The following HDAC9 variants were observed in gnomAD, a reference collection of about 807,000 sequenced individuals.
The protein encoded by HDAC9 is MEF-2 interacting transcription repressor (MITR) protein.
In HDAC9, 41 loss-of-function variants were observed where a neutral mutation model predicts 139.4. The ratio of observed to expected loss-of-function variants is 0.29; its 90% CI spans 0.23 to 0.38. The LOEUF is 0.38. Among genes scored for constraint, HDAC9 ranks in the 10% least tolerant of loss-of-function variants. HDAC9 has a pLI of 1.00. For synonymous variants in HDAC9, 517 were observed against 476.2 expected (o/e 1.09, Z -1.12); for missense variants, 1,147 against 1,297.0 (o/e 0.88, Z 1.78).
At chr7:18,259,316 C>T (rs1795489598) in intron 2 of HDAC9, among the ~76,000 whole-genome samples, 1 of 152,044 alleles carries the variant, frequency 6.6e-6, no homozygotes, top group Non-Finnish European at 1.5e-5. Flanking sequence ...TTGCAGTCCC[C>T]TGCCACCCCC....
At chr7:18,099,258 G>A (rs556080288) in intron 1 of HDAC9, among the ~76,000 whole-genome samples, 12 of 152,130 alleles carry the variant, frequency 7.9e-5, no homozygotes, top group East Asian at 3.9e-4. Flanking sequence ...TTGAGAGTTC[G>A]ACACCAACCT....
intron 1 of HDAC9, among the ~76,000 whole-genome samples, chr7:18,384,869 C>A (rs1785771293): frequency 6.6e-6 from 1 of 152,058 alleles, no homozygotes; most frequent in South Asian, 2.1e-4. Context: ...TCATTCCATC[C>A]CAGTAGCTCC....
intron 2 of HDAC9, among the ~76,000 whole-genome samples, chr7:18,551,880 T>C (rs1196481244): frequency 6.6e-5 from 10 of 152,346 alleles, no homozygotes; most frequent in Admixed American, 5.2e-4. Flanking sequence ...ACTACACTTA[T>C]TCTAGGAGGC....
intron 21 of HDAC9, among the ~76,000 whole-genome samples, chr7:18,856,820 T>C (rs1460066608): frequency 3.3e-5 from 5 of 152,170 alleles, no homozygotes. Flanking sequence ...TCTGTGATTT[T>C]CCCTGTCACC....
At chr7:18,590,013 C>T (rs1830491505) in intron 3 of HDAC9, among the ~76,000 whole-genome samples, 1 of 152,040 alleles carries the variant, frequency 6.6e-6, no homozygotes. Flanking sequence ...CCTACCTTTT[C>T]CTGTTTGTAT....
chr7:18,928,044 CA>C (rs1804391866), intron 22 of HDAC9, among the ~76,000 whole-genome samples: 1 of 152,126 alleles, frequency 6.6e-6, no homozygotes, highest in South Asian at 2.1e-4. Context: ...CTTTATTAAC[CA>C]AACGAATCAT....
intron 2 of HDAC9, among the ~76,000 whole-genome samples, chr7:18,265,889 A>G (rs1795961951): frequency 6.6e-6 from 1 of 152,204 alleles, no homozygotes; most frequent in Non-Finnish European, 1.5e-5. Context: ...AAGTATTTTA[A>G]GAATCTTTGC....
intron 2 of HDAC9, among the ~76,000 whole-genome samples, chr7:18,221,741 G>A (rs1792722035): frequency 6.6e-6 from 1 of 152,056 alleles, no homozygotes; most frequent in African/African-American, 2.4e-5. Flanking sequence ...CTTAGAGATA[G>A]GGAAGTTAGT....
chr7:18,381,434 G>A (rs548311992), intron 1 of HDAC9, among the ~76,000 whole-genome samples: 9 of 151,926 alleles, frequency 5.9e-5, no homozygotes, highest in South Asian at 2.1e-4. Flanking sequence ...AAAGCTTTAC[G>A]TAAGAAAATC....
At chr7:18,514,958 G>T (rs915044086) in intron 2 of HDAC9, among the ~76,000 whole-genome samples, 1 of 151,976 alleles carries the variant, frequency 6.6e-6, no homozygotes, top group Non-Finnish European at 1.5e-5. Context: ...AAGATAATAA[G>T]AAAATAATAA....
chr7:18,717,226 G>C (rs928558251), intron 12 of HDAC9, among the ~76,000 whole-genome samples: 1 of 152,030 alleles, frequency 6.6e-6, no homozygotes, highest in Non-Finnish European at 1.5e-5. Flanking sequence ...AGCGCATTCT[G>C]TTGCTGGTGA....
intron 14 of HDAC9, among the ~76,000 whole-genome samples, chr7:18,752,042 T>C (rs1191524087): frequency 6.6e-6 from 1 of 152,138 alleles, no homozygotes; most frequent in African/African-American, 2.4e-5. Context: ...TAAGTATATA[T>C]GCAAATATTT....
rs78576130 is a variant in HDAC9, at chr7:18,851,453, G to A, written c.2684+15456G>A. 6 of 152,552 alleles carry A rather than the reference G, an allele frequency of 3.9e-5. No individual in the cohort carries two copies. The South Asian group carries it at 1.0e-3, about 26-fold the overall frequency. The allele number at this position is 152,552 out of a possible 1,614,324, so 9.4% of individuals were successfully genotyped here. Reference sequence around the variant, plus strand: ...TTCTCCTTCGCGTTCCGCCATGATTGTAAGTTTCCTGAGGCCTCCCCAGCA... The same window carrying A: ...TTCTCCTTCGCGTTCCGCCATGATTATAAGTTTCCTGAGGCCTCCCCAGCA... On this transcript the variant is annotated intron_variant, in intron 21 of 25. Transcript: ENST00000686413.
intron 2 of HDAC9, among the ~76,000 whole-genome samples, chr7:18,184,665 C>G (rs2128143773): frequency 6.6e-6 from 1 of 152,244 alleles, no homozygotes; most frequent in South Asian, 2.1e-4. Context: ...GTATATTCAA[C>G]TTATATTAAC....
intron 2 of HDAC9, among the ~76,000 whole-genome samples, chr7:18,276,294 G>A (rs1238981155): frequency 6.6e-6 from 1 of 152,182 alleles, no homozygotes; most frequent in African/African-American, 2.4e-5. Context: ...GAAAAGGCAA[G>A]AAAGAGCTTT....
chr7:18,302,703 T>G (rs1440036518), intron 1 of HDAC9, among the ~76,000 whole-genome samples: 1 of 152,196 alleles, frequency 6.6e-6, no homozygotes, highest in African/African-American at 2.4e-5. Context: ...CAGTAGGAAT[T>G]GTATGATGAA....
chr7:18,467,701 C>A (rs1307008912), intron 1 of HDAC9, among the ~76,000 whole-genome samples: 1 of 152,178 alleles, frequency 6.6e-6, no homozygotes, highest in Non-Finnish European at 1.5e-5. Flanking sequence ...GTTAATATCT[C>A]ATATCACTAT....
intron 17 of HDAC9, among the ~76,000 whole-genome samples, chr7:18,797,613 A>G (rs935147745): frequency 1.1e-4 from 16 of 152,062 alleles, no homozygotes; most frequent in African/African-American, 3.9e-4. Flanking sequence ...GGATGACTTG[A>G]GGTCTGGTGT....
At chr7:18,634,566 A>G (rs1273485557) in intron 7 of HDAC9, 61 bp from the exon 8 acceptor site, 1 of 982,772 alleles carries the variant, frequency 1.0e-6, no homozygotes, top group Non-Finnish European at 1.6e-6. Context: ...ATGTTACAGT[A>G]ACTAAAGTTC....
Sources: allele counts gnomAD v4.1 joint callset (sites outside exome capture counted in the v4.1 genomes callset), GRCh38; gene constraint gnomAD v4.1.1; transcripts MANE v1.5; gene names NCBI Gene and HGNC (gene_info 2026-07-23, HGNC 2026-07-21).